RIN2: variants seen among roughly 807,000 people sequenced by gnomAD.
RIN2 encodes Ras and Rab interactor 2, also known as RAB5 interacting protein 2.
In RIN2, 36 loss-of-function variants were observed where a neutral mutation model predicts 78.0. The ratio of observed to expected loss-of-function variants is 0.46; its 90% CI spans 0.35 to 0.61. The LOEUF (loss-of-function observed/expected upper bound fraction) is 0.61. Among genes scored for constraint, RIN2 ranks in the 20% least tolerant of loss-of-function variants. RIN2 has a pLI of 0.00. For synonymous variants in RIN2, 466 were observed against 466.8 expected (o/e 1.00, Z 0.02); for missense variants, 1,087 against 1,159.7 (o/e 0.94, Z 0.91).
intron 9 of RIN2, among the ~76,000 whole-genome samples, chr20:19,978,703 C>T (rs1230050760): frequency 6.6e-6 from 1 of 152,210 alleles, no homozygotes; most frequent in African/African-American, 2.4e-5. Flanking sequence ...CAGCTTGGCT[C>T]TCCTGGTTGG....
chr20:19,851,843 A>T (rs915311826), intron 2 of RIN2, among the ~76,000 whole-genome samples: 3 of 152,152 alleles, frequency 2.0e-5, no homozygotes, highest in African/African-American at 7.2e-5. Flanking sequence ...GAACTACCTA[A>T]CAAGGCACCC....
chr20:19,906,786 C>A (rs1007909764), intron 3 of RIN2, among the ~76,000 whole-genome samples: 5 of 152,134 alleles, frequency 3.3e-5, no homozygotes, highest in African/African-American at 1.2e-4. Context: ...TAGTTTAACT[C>A]TAAAAGACAA....
intron 2 of RIN2, among the ~76,000 whole-genome samples, chr20:19,840,360 G>C (rs2036544279): frequency 6.6e-6 from 1 of 152,222 alleles, no homozygotes; most frequent in Non-Finnish European, 1.5e-5. Flanking sequence ...GCGGTTGGTT[G>C]GTTGTCTATC....
At chr20:19,828,775 C>G (rs1480925695) in intron 2 of RIN2, among the ~76,000 whole-genome samples, 2 of 152,174 alleles carry the variant, frequency 1.3e-5, no homozygotes, top group Non-Finnish European at 2.9e-5. Flanking sequence ...TGTGATCTTG[C>G]TGACTCCTAG....
intron 3 of RIN2, among the ~76,000 whole-genome samples, chr20:19,928,664 A>G (rs1307809059): frequency 6.6e-6 from 1 of 152,204 alleles, no homozygotes; most frequent in Non-Finnish European, 1.5e-5. Context: ...GCCCTTGGCC[A>G]GGATGCCAGC....
intron 4 of RIN2, among the ~76,000 whole-genome samples, chr20:19,952,654 G>A (rs190476035): frequency 3.0e-4 from 46 of 152,252 alleles, no homozygotes; most frequent in Admixed American, 8.5e-4. Flanking sequence ...GGAGTCACAG[G>A]ATGCGCCCTT....
intron 2 of RIN2, among the ~76,000 whole-genome samples, chr20:19,822,134 G>T (rs2035944414): frequency 6.6e-6 from 1 of 152,172 alleles, no homozygotes; most frequent in Admixed American, 6.5e-5. Context: ...GGACCCAAAT[G>T]TATTTGTTTC....
chr20:19,894,441 A>G (rs1568580868), intron 3 of RIN2, among the ~76,000 whole-genome samples: 1 of 152,102 alleles, frequency 6.6e-6, no homozygotes, highest in Admixed American at 6.6e-5. Context: ...AAAAATAGAG[A>G]TGGATTCTCT....
chr20:19,887,400 C>T (rs2038246996), intron 2 of RIN2, among the ~76,000 whole-genome samples: 2 of 152,082 alleles, frequency 1.3e-5, no homozygotes, highest in Non-Finnish European at 2.9e-5. Flanking sequence ...TGGATGGCCA[C>T]CAGCATTTAA....
intron 6 of RIN2, 57 bp downstream of exon 6, chr20:19,960,868 G>A (rs1369811709): frequency 7.4e-6 from 8 of 1,081,302 alleles, no homozygotes; most frequent in Non-Finnish European, 1.1e-5. Flanking sequence ...GCTCTGCAGG[G>A]AGTGGAAATG....
chr20:19,901,397 G>T (rs551256594), intron 3 of RIN2, among the ~76,000 whole-genome samples: 1 of 149,608 alleles, frequency 6.7e-6, no homozygotes, highest in Admixed American at 6.7e-5. Context: ...TGACTCAGCC[G>T]AACAGAACCC....
chr20:19,890,703 A>AC (rs869038242), intron 3 of RIN2, among the ~76,000 whole-genome samples: 2 of 148,298 alleles, frequency 1.3e-5, no homozygotes, highest in Non-Finnish European at 3.0e-5. Context: ...AAAAAAAAAA[A>AC]CCATCAGAAG....
chr20:19,912,852 A>G (rs2039533876), intron 3 of RIN2, among the ~76,000 whole-genome samples: 1 of 152,136 alleles, frequency 6.6e-6, no homozygotes, highest in African/African-American at 2.4e-5. Flanking sequence ...GTTTGATGTC[A>G]CTAGGAAATG....
At chr20:19,977,194 G>C (rs1056950035) in intron 9 of RIN2, among the ~76,000 whole-genome samples, 1 of 152,108 alleles carries the variant, frequency 6.6e-6, no homozygotes, top group South Asian at 2.1e-4. Context: ...TGGGGTCAGA[G>C]GGGGGTGCAG....
intron 2 of RIN2, among the ~76,000 whole-genome samples, chr20:19,884,992 G>A (rs994718310): frequency 1.3e-5 from 2 of 152,152 alleles, no homozygotes; most frequent in Non-Finnish European, 2.9e-5. Context: ...CTTGTTTACT[G>A]AGACTGAAGT....
chr20:19,763,475 C>T (rs1033184237), intron 1 of RIN2, among the ~76,000 whole-genome samples: 42 of 152,188 alleles, frequency 2.8e-4, no homozygotes, highest in Non-Finnish European at 5.9e-5. Flanking sequence ...TAGAACCACA[C>T]AAGTGAATAC....
At chr20:19,844,730 C>T (rs1409320145) in intron 2 of RIN2, among the ~76,000 whole-genome samples, 2 of 61,064 alleles carry the variant, frequency 3.3e-5, no homozygotes, top group Non-Finnish European at 3.9e-5. Context: ...TCTTCTTCTT[C>T]TTCTTCTTCT....
At chr20:19,780,952 TCTC>T (rs144187484) in intron 1 of RIN2, among the ~76,000 whole-genome samples, 2,481 of 152,140 alleles carry the variant, frequency 0.016, 69 homozygotes, top group African/African-American at 0.056. Context: ...TTATTTTAGT[TCTC>T]CTAGTAATAG....
chr20:19,782,007 A>G (rs528437864), intron 1 of RIN2, among the ~76,000 whole-genome samples: 1 of 152,192 alleles, frequency 6.6e-6, no homozygotes, highest in Non-Finnish European at 1.5e-5. Flanking sequence ...GTTAAGCGCT[A>G]ATTGAAAAAT....
Sources: allele counts gnomAD v4.1 joint callset (sites outside exome capture counted in the v4.1 genomes callset), GRCh38; gene constraint gnomAD v4.1.1; transcripts MANE v1.5; gene names NCBI Gene and HGNC (gene_info 2026-07-23, HGNC 2026-07-21).